Variants in SAMTOR observed in about 807,000 individuals in gnomAD.
SAMTOR encodes UPF0532 protein C7orf60.
At chr7:112,839,957 T>C in the SAMTOR span, among the ~76,000 whole-genome samples, 2 of 151,904 alleles carry the variant, frequency 1.3e-5, no homozygotes, top group Non-Finnish European at 2.9e-5. Context: ...TGGATTTTTA[T>C]ATTCAGAGTC....
At chr7:112,836,256 TC>T in the SAMTOR span, among the ~76,000 whole-genome samples, 2 of 152,204 alleles carry the variant, frequency 1.3e-5, no homozygotes, top group African/African-American at 4.8e-5. Context: ...GAGCATTTTT[TC>T]ATATGCTTGT....
At chr7:112,842,770 T>C in the SAMTOR span, among the ~76,000 whole-genome samples, 1 of 151,984 alleles carries the variant, frequency 6.6e-6, no homozygotes, top group Admixed American at 6.6e-5. Context: ...TTAAGTATGC[T>C]AAAGACAATA....
the SAMTOR span, among the ~76,000 whole-genome samples, chr7:112,857,635 T>C: frequency 6.6e-6 from 1 of 152,188 alleles, no homozygotes; most frequent in Non-Finnish European, 1.5e-5. Context: ...GCTGTGCTGA[T>C]CTATATTGTG....
At chr7:112,933,603 T>C in the SAMTOR span, among the ~76,000 whole-genome samples, 1 of 152,202 alleles carries the variant, frequency 6.6e-6, no homozygotes. Context: ...AAGGAATGAA[T>C]GTGAAAAACA....
At chr7:112,924,524 T>A in the SAMTOR span, among the ~76,000 whole-genome samples, 14 of 152,280 alleles carry the variant, frequency 9.2e-5, no homozygotes, top group African/African-American at 3.4e-4. Flanking sequence ...AAGATGACTA[T>A]ATATCAGTCT....
the SAMTOR span, among the ~76,000 whole-genome samples, chr7:112,937,764 G>T: frequency 1.2e-3 from 178 of 146,272 alleles, 1 homozygote; most frequent in African/African-American, 4.4e-3. Flanking sequence ...TAACTCCCCA[G>T]AAGCATACTA....
chr7:112,889,753 C>T, the SAMTOR span, among the ~76,000 whole-genome samples: 1 of 152,134 alleles, frequency 6.6e-6, no homozygotes, highest in Non-Finnish European at 1.5e-5. Flanking sequence ...ACCAGGTGAA[C>T]CTAGCTTAGG....
the SAMTOR span, among the ~76,000 whole-genome samples, chr7:112,932,084 C>T: frequency 6.6e-6 from 1 of 152,002 alleles, no homozygotes; most frequent in Admixed American, 6.6e-5. Context: ...TGCCACCACA[C>T]CCGGCTAATT....
At chr7:112,890,643 T>A in the SAMTOR span, among the ~76,000 whole-genome samples, 3 of 150,414 alleles carry the variant, frequency 2.0e-5, no homozygotes, top group African/African-American at 7.3e-5. Flanking sequence ...ACAAAATATA[T>A]ATATATTATA....
the SAMTOR span, among the ~76,000 whole-genome samples, chr7:112,929,414 G>A: frequency 3.3e-5 from 5 of 151,964 alleles, no homozygotes; most frequent in Admixed American, 3.3e-4. Context: ...TGTTAGGATG[G>A]CTATTATCAA....
chr7:112,923,402 T>C, the SAMTOR span, among the ~76,000 whole-genome samples: 1 of 152,090 alleles, frequency 6.6e-6, no homozygotes, highest in African/African-American at 2.4e-5. Context: ...GTTTATCTGC[T>C]GACCTTCCCT....
At chr7:112,894,263 C>T in the SAMTOR span, among the ~76,000 whole-genome samples, 1 of 152,062 alleles carries the variant, frequency 6.6e-6, no homozygotes, top group African/African-American at 2.4e-5. Flanking sequence ...TTAGAACATA[C>T]ATGACATTTA....
chr7:112,901,337 T>C, the SAMTOR span, among the ~76,000 whole-genome samples: 7 of 152,182 alleles, frequency 4.6e-5, no homozygotes, highest in Non-Finnish European at 8.8e-5. Flanking sequence ...CGAACCCTTA[T>C]TGTGAAATGT....
chr7:112,847,223 AT>A, the SAMTOR span, among the ~76,000 whole-genome samples: 1 of 152,242 alleles, frequency 6.6e-6, no homozygotes, highest in African/African-American at 2.4e-5. Flanking sequence ...AGATATCTGG[AT>A]TTCAAAAAAA....
chr7:112,870,128 T>A, the SAMTOR span, among the ~76,000 whole-genome samples: 1 of 152,138 alleles, frequency 6.6e-6, no homozygotes, highest in African/African-American at 2.4e-5. Flanking sequence ...AAAACATACA[T>A]GAGGACATAA....
chr7:112,834,047 T>C, the SAMTOR span, among the ~76,000 whole-genome samples: 3 of 152,224 alleles, frequency 2.0e-5, no homozygotes, highest in African/African-American at 7.2e-5. Flanking sequence ...CAGTTTAGTT[T>C]TACACTACAT....
chr7:112,851,922 G>A, the SAMTOR span, among the ~76,000 whole-genome samples: 1 of 151,956 alleles, frequency 6.6e-6, no homozygotes, highest in Admixed American at 6.6e-5. Context: ...CTCTAATCAT[G>A]TGAAATCACA....
At chr7:112,825,296 CG>C in the SAMTOR span, among the ~76,000 whole-genome samples, 1 of 151,946 alleles carries the variant, frequency 6.6e-6, no homozygotes, top group Admixed American at 6.6e-5. Context: ...CAAAATGCTG[CG>C]GTTACAGGTG....
At chr7:112,841,867 C>A in the SAMTOR span, among the ~76,000 whole-genome samples, 4 of 152,102 alleles carry the variant, frequency 2.6e-5, no homozygotes, top group Non-Finnish European at 5.9e-5. Flanking sequence ...GGAAAACTGG[C>A]TAGCCATATG....
Sources: allele counts gnomAD v4.1 joint callset (sites outside exome capture counted in the v4.1 genomes callset), GRCh38; gene constraint gnomAD v4.1.1; transcripts MANE v1.5; gene names NCBI Gene and HGNC (gene_info 2026-07-23, HGNC 2026-07-21).